PLCL1: variants seen among roughly 807,000 people sequenced by gnomAD.
PLCL1 encodes phospholipase C like 1 (inactive).
In PLCL1, 41 loss-of-function variants were observed where a neutral mutation model predicts 84.4. The observed-to-expected ratio is 0.49, with a 90% CI of 0.38 to 0.63. PLCL1 has a LOEUF of 0.63. PLCL1 is among the 30% of genes least tolerant of loss of function. The pLI is 0.00. For missense variants in PLCL1, 1,206 were observed against 1,367.8 expected, an observed-to-expected ratio of 0.88 and a Z score of 1.87; for synonymous variants, 490 against 488.3, an observed-to-expected ratio of 1.00 and a Z score of -0.05.
chr2:198,007,977 G>A (rs1225970560), intron 1 of PLCL1, among the ~76,000 whole-genome samples: 1 of 151,792 alleles, frequency 6.6e-6, no homozygotes, highest in Non-Finnish European at 1.5e-5. Flanking sequence ...AGCAGCCAAG[G>A]CAAAAAGGGA....
chr2:198,027,695 T>C (rs1488840914), intron 1 of PLCL1, among the ~76,000 whole-genome samples: 1 of 152,180 alleles, frequency 6.6e-6, no homozygotes, highest in African/African-American at 2.4e-5. Context: ...TCAAATAATA[T>C]CTGTGGTTTA....
At chr2:197,971,518 T>C (rs1427988135) in intron 1 of PLCL1, among the ~76,000 whole-genome samples, 4 of 152,148 alleles carry the variant, frequency 2.6e-5, no homozygotes, top group African/African-American at 9.7e-5. Context: ...GGCTGTTCCA[T>C]TGGCTAAGGA....
At chr2:197,876,220 C>G (rs1399958831) in intron 1 of PLCL1, among the ~76,000 whole-genome samples, 2 of 152,104 alleles carry the variant, frequency 1.3e-5, no homozygotes, top group Non-Finnish European at 2.9e-5. Flanking sequence ...AGGAATATTA[C>G]TATAACACAA....
chr2:197,830,551 G>A (rs1691035151), intron 1 of PLCL1, among the ~76,000 whole-genome samples: 1 of 152,216 alleles, frequency 6.6e-6, no homozygotes, highest in South Asian at 2.1e-4. Flanking sequence ...TTTGATTGGT[G>A]TACCTGAAAG....
At chr2:198,101,172 A>G (rs1371137428) in intron 3 of PLCL1, 113 bp from the exon 4 acceptor site, 1 of 705,090 alleles carries the variant, frequency 1.4e-6, no homozygotes, top group Non-Finnish European at 2.5e-6. Flanking sequence ...TTGTGGTGAG[A>G]CTATGGCTTA....
At chr2:197,862,225 G>T (rs1687445753) in intron 1 of PLCL1, among the ~76,000 whole-genome samples, 1 of 152,130 alleles carries the variant, frequency 6.6e-6, no homozygotes, top group African/African-American at 2.4e-5. Flanking sequence ...ATAATAATCT[G>T]CACTGCATCT....
At chr2:197,945,944 G>C (rs1345859637) in intron 1 of PLCL1, among the ~76,000 whole-genome samples, 5 of 152,054 alleles carry the variant, frequency 3.3e-5, no homozygotes, top group Non-Finnish European at 5.9e-5. Flanking sequence ...ATATGTTGTT[G>C]AGTGTGATTC....
chr2:197,933,836 T>C (rs1217521491), intron 1 of PLCL1, among the ~76,000 whole-genome samples: 1 of 152,180 alleles, frequency 6.6e-6, no homozygotes, highest in Non-Finnish European at 1.5e-5. Flanking sequence ...ATATATATAA[T>C]GGCCTCTATA....
intron 5 of PLCL1, among the ~76,000 whole-genome samples, chr2:198,105,601 GGT>G (rs72103336): frequency 0.23 from 33,071 of 143,610 alleles, 3,925 homozygotes; most frequent in Middle Eastern, 0.28. Context: ...TAATTTGCCT[GGT>G]GTGTGTGTGT....
intron 5 of PLCL1, among the ~76,000 whole-genome samples, chr2:198,107,423 T>C (rs1398677322): frequency 6.6e-6 from 1 of 151,840 alleles, no homozygotes; most frequent in African/African-American, 2.4e-5. Flanking sequence ...GATTACCTGA[T>C]AGTGGTGAGA....
chr2:197,987,953 C>T (rs945918974), intron 1 of PLCL1, among the ~76,000 whole-genome samples: 1 of 152,110 alleles, frequency 6.6e-6, no homozygotes, highest in Non-Finnish European at 1.5e-5. Context: ...AATTTCAGCA[C>T]TGAGACTGAG....
At chr2:197,870,153 G>A (rs1687624017) in intron 1 of PLCL1, among the ~76,000 whole-genome samples, 1 of 152,140 alleles carries the variant, frequency 6.6e-6, no homozygotes, top group Non-Finnish European at 1.5e-5. Flanking sequence ...TAACTGATTA[G>A]AATTGACTCA....
chr2:197,923,201 G>A (rs866644251), intron 1 of PLCL1, among the ~76,000 whole-genome samples: 5 of 84,278 alleles, frequency 5.9e-5, no homozygotes, highest in East Asian at 3.8e-4. Context: ...CTGGCCGGGC[G>A]GGGGGCTGAC....
chr2:197,972,059 T>A (rs904367770), intron 1 of PLCL1, among the ~76,000 whole-genome samples: 2 of 152,228 alleles, frequency 1.3e-5, no homozygotes, highest in Non-Finnish European at 1.5e-5. Context: ...TCCAATTGAT[T>A]TTCTAAATGA....
chr2:197,963,085 T>C (rs541789420), intron 1 of PLCL1, among the ~76,000 whole-genome samples: 6 of 152,126 alleles, frequency 3.9e-5, no homozygotes, highest in Non-Finnish European at 8.8e-5. Context: ...CTTCTGAGTA[T>C]ACACCTAGCA....
intron 1 of PLCL1, among the ~76,000 whole-genome samples, chr2:198,054,319 C>G (rs1366326066): frequency 1.3e-5 from 2 of 152,134 alleles, no homozygotes; most frequent in Admixed American, 6.5e-5. Context: ...CATTTTCAAC[C>G]AAATGGACCT....
intron 1 of PLCL1, among the ~76,000 whole-genome samples, chr2:197,979,188 G>A (rs1393866180): frequency 6.6e-6 from 1 of 152,182 alleles, no homozygotes; most frequent in African/African-American, 2.4e-5. Context: ...GGCTTCTGAG[G>A]CCCTTTGGGA....
chr2:198,095,923 T>C (rs1236491153), intron 3 of PLCL1, among the ~76,000 whole-genome samples: 1 of 152,206 alleles, frequency 6.6e-6, no homozygotes, highest in Non-Finnish European at 1.5e-5. Flanking sequence ...CGAATGACAG[T>C]TCTGTAACTC....
intron 2 of PLCL1, among the ~76,000 whole-genome samples, chr2:198,088,480 G>A (rs1373127402): frequency 6.6e-6 from 1 of 152,220 alleles, no homozygotes; most frequent in Non-Finnish European, 1.5e-5. Context: ...GTCAGATGGA[G>A]GGTGGTGAGC....
Sources: allele counts gnomAD v4.1 joint callset (sites outside exome capture counted in the v4.1 genomes callset), GRCh38; gene constraint gnomAD v4.1.1; transcripts MANE v1.5; gene names NCBI Gene and HGNC (gene_info 2026-07-23, HGNC 2026-07-21).